CSMD3: variants seen among roughly 807,000 people sequenced by gnomAD.
CSMD3 encodes the protein CUB and Sushi multiple domains 3, also known as CUB and sushi domain-containing protein 3.
Under a neutral mutation model 435.2 loss-of-function variants are expected in CSMD3, and 177 were observed. That is an observed-to-expected ratio of 0.41 (90% CI 0.36 to 0.46). CSMD3 has a LOEUF of 0.46. Ranked by LOEUF, CSMD3 falls within the 20% of genes least tolerant of loss-of-function variation. The pLI is 0.34. For missense variants in CSMD3, 4,265 were observed against 4,504.6 expected (o/e 0.95, Z 1.52); for synonymous variants, 1,656 against 1,520.5 (o/e 1.09, Z -2.07).
chr8:112,316,717 A>G lies in CSMD3; in HGVS notation c.7361-2100T>C, dbSNP rs1021444346. Among the ~76,000 whole-genome samples, 8 of 152,034 alleles carry G rather than the reference A, an allele frequency of 5.3e-5. No individual in the cohort carries two copies. The East Asian group carries it at 1.5e-3, about 29-fold the overall frequency. On this transcript the variant is annotated intron_variant, in intron 47 of 70. Coordinates refer to ENST00000297405, the MANE Select transcript of CSMD3 (RefSeq NM_198123.2). ...GAGAAAACTGATGGCCAGAAAGTTT[A>G]AAGTGCTCAAAATCTCCTAGATTCA...
At chr8:112,666,146 T>C (rs1415360471) in intron 17 of CSMD3, 131 bp downstream of exon 17, 3 of 764,474 alleles carry the variant, frequency 3.9e-6, no homozygotes, top group East Asian at 2.7e-5. Flanking sequence ...GGCAAACAGA[T>C]GGAAGCATTC....
intron 5 of CSMD3, among the ~76,000 whole-genome samples, chr8:113,038,874 G>A (rs2087475798): frequency 6.6e-6 from 1 of 151,914 alleles, no homozygotes; most frequent in Non-Finnish European, 1.5e-5. Context: ...TTTTTCTTTG[G>A]GGATGTTTCA....
chr8:113,187,841 T>A (rs2092530657), intron 3 of CSMD3, among the ~76,000 whole-genome samples: 1 of 151,966 alleles, frequency 6.6e-6, no homozygotes, highest in African/African-American at 2.4e-5. Context: ...CACCTGATGA[T>A]CATGATCCTA....
At chr8:112,493,135 G>A (rs9297476) in intron 30 of CSMD3, among the ~76,000 whole-genome samples, 37,950 of 151,870 alleles carry the variant, frequency 0.25, 4,880 homozygotes, top group East Asian at 0.38. Flanking sequence ...AGGAGCCCTT[G>A]TGCATATCTG....
chr8:112,813,974 G>A (rs987123881), intron 12 of CSMD3, among the ~76,000 whole-genome samples: 7 of 152,196 alleles, frequency 4.6e-5, no homozygotes, highest in Non-Finnish European at 4.4e-5. Context: ...CAGTGCACAA[G>A]CCAGTTGGAA....
chr8:112,424,416 C>G (rs917192878), intron 32 of CSMD3, among the ~76,000 whole-genome samples: 1 of 152,122 alleles, frequency 6.6e-6, no homozygotes, highest in African/African-American at 2.4e-5. Flanking sequence ...ATTATTTGCA[C>G]ATGTGACTTA....
intron 56 of CSMD3, among the ~76,000 whole-genome samples, chr8:112,291,096 A>C (rs2130671659): frequency 6.6e-6 from 1 of 152,158 alleles, no homozygotes. Context: ...AAGGTCAATA[A>C]GTTTTAAGTC....
chr8:113,210,003 GGTGTGTGTGTGTGTGTGTGTGT>G (rs3048831), intron 3 of CSMD3, among the ~76,000 whole-genome samples: 1 of 138,952 alleles, frequency 7.2e-6, no homozygotes, highest in Non-Finnish European at 1.6e-5. Context: ...TCTCCTAAAA[GGTGTGTGTGTGTGTGTGTGTGT>G]GTGTGTGTGT....
intron 4 of CSMD3, among the ~76,000 whole-genome samples, chr8:113,108,309 T>C (rs548865290): frequency 1.8e-4 from 27 of 151,826 alleles, no homozygotes; most frequent in African/African-American, 5.8e-4. Flanking sequence ...GTGCCTGTAG[T>C]CCCAGCTACT....
At chr8:112,985,378 C>T (rs1030778208) in intron 6 of CSMD3, among the ~76,000 whole-genome samples, 3 of 151,850 alleles carry the variant, frequency 2.0e-5, no homozygotes, top group East Asian at 1.9e-4. Context: ...TAGTAGGCAC[C>T]GAGACTTGAA....
intron 9 of CSMD3, among the ~76,000 whole-genome samples, chr8:112,926,022 C>G (rs1054993949): frequency 6.6e-6 from 1 of 152,170 alleles, no homozygotes; most frequent in Non-Finnish European, 1.5e-5. Context: ...ACATCTCCAT[C>G]CAGGATCACA....
At chr8:112,911,641 ATGTGTGTGTGTG>A (rs10609412) in intron 10 of CSMD3, among the ~76,000 whole-genome samples, 14 of 147,060 alleles carry the variant, frequency 9.5e-5, no homozygotes, top group East Asian at 4.0e-4. Flanking sequence ...GTACATATAT[ATGTGTGTGTGTG>A]TGTGTGTGTG....
chr8:113,297,996 G>T (rs573356353), intron 2 of CSMD3, among the ~76,000 whole-genome samples: 13 of 152,110 alleles, frequency 8.5e-5, no homozygotes, highest in Admixed American at 2.0e-4. Context: ...AGTAAAGCTG[G>T]ATATATTTAA....
chr8:112,942,148 C>A (rs1435635496), intron 9 of CSMD3, among the ~76,000 whole-genome samples: 1 of 149,718 alleles, frequency 6.7e-6, no homozygotes, highest in East Asian at 2.0e-4. Context: ...TTTTTTTTTA[C>A]TGTCTCTGTA....
chr8:112,351,062 A>G, intron 40 of CSMD3, 113 bp downstream of exon 40: 1 of 635,848 alleles, frequency 1.6e-6, no homozygotes, highest in Non-Finnish European at 2.8e-6. Flanking sequence ...ATGTTTGAAA[A>G]TCATGATATA....
intron 1 of CSMD3, among the ~76,000 whole-genome samples, chr8:113,387,900 T>G (rs1031318150): frequency 1.3e-5 from 2 of 151,712 alleles, no homozygotes; most frequent in Middle Eastern, 3.2e-3. Flanking sequence ...TAAATACTCT[T>G]AATTTGACAC....
chr8:112,231,511 C>A, intron 69 of CSMD3, 34 bp downstream of exon 69: 1 of 1,253,794 alleles, frequency 8.0e-7, no homozygotes, highest in Non-Finnish European at 1.2e-6. Context: ...GGGATAATAA[C>A]AGAAGTTCGT....
chr8:112,931,988 C>T (rs1303209207), intron 9 of CSMD3, among the ~76,000 whole-genome samples: 1 of 152,112 alleles, frequency 6.6e-6, no homozygotes, highest in Non-Finnish European at 1.5e-5. Context: ...CTCTTACACA[C>T]TGTTGGTGGA....
intron 13 of CSMD3, among the ~76,000 whole-genome samples, chr8:112,789,024 T>A (rs1466260589): frequency 6.6e-6 from 1 of 152,134 alleles, no homozygotes; most frequent in African/African-American, 2.4e-5. Context: ...CACATGTGAC[T>A]TGGTAATTTT....
Sources: allele counts gnomAD v4.1 joint callset (sites outside exome capture counted in the v4.1 genomes callset), GRCh38; gene constraint gnomAD v4.1.1; transcripts MANE v1.5; gene names NCBI Gene and HGNC (gene_info 2026-07-23, HGNC 2026-07-21).